The following AGPAT3 variants were observed in gnomAD, a reference collection of about 807,000 sequenced individuals.
AGPAT3 encodes the protein 1-acyl-sn-glycerol-3-phosphate acyltransferase gamma.
A neutral mutation model predicts 47.3 loss-of-function variants in AGPAT3; 5 were observed. That is an observed-to-expected ratio of 0.11 (90% CI 0.06 to 0.22). AGPAT3 has a LOEUF of 0.22. AGPAT3 is among the 10% of genes least tolerant of loss of function. The pLI, the probability that AGPAT3 is intolerant of heterozygous loss-of-function variation, is 1.00. For missense variants in AGPAT3, 315 were observed against 493.0 expected (o/e 0.64, Z 3.42); for synonymous variants, 212 against 208.3 (o/e 1.02, Z -0.15).
intron 2 of AGPAT3, among the ~76,000 whole-genome samples, chr21:43,926,374 G>A (rs570448861): frequency 1.5e-3 from 222 of 152,300 alleles, no homozygotes; most frequent in South Asian, 2.1e-3. Context: ...CAGGTAACAC[G>A]TAGGACAGCG....
chr21:43,911,025 G>C (rs2086621074), intron 2 of AGPAT3, among the ~76,000 whole-genome samples: 2 of 152,166 alleles, frequency 1.3e-5, no homozygotes, highest in Non-Finnish European at 2.9e-5. Flanking sequence ...TTCCTGGAGG[G>C]AACCACTGTA....
intron 2 of AGPAT3, among the ~76,000 whole-genome samples, chr21:43,959,351 ATG>A (rs1465077949): frequency 2.6e-5 from 2 of 76,826 alleles, no homozygotes; most frequent in Non-Finnish European, 5.1e-5. Context: ...TGTGTGTGGT[ATG>A]TGTGTGGCAT....
intron 2 of AGPAT3, among the ~76,000 whole-genome samples, chr21:43,935,764 G>A (rs1252025750): frequency 2.0e-5 from 3 of 152,158 alleles, no homozygotes; most frequent in African/African-American, 7.2e-5. Context: ...GGGGCAGGAA[G>A]GACAACCTGG....
chr21:43,910,863 G>A (rs2086617093), intron 2 of AGPAT3, among the ~76,000 whole-genome samples: 1 of 152,166 alleles, frequency 6.6e-6, no homozygotes, highest in Admixed American at 6.6e-5. Flanking sequence ...CAGAGATGGA[G>A]GGTTGGAGGT....
At chr21:43,944,522 G>A (rs1449448749) in intron 2 of AGPAT3, among the ~76,000 whole-genome samples, 1 of 152,256 alleles carries the variant, frequency 6.6e-6, no homozygotes, top group African/African-American at 2.4e-5. Flanking sequence ...CTGGAGGCCA[G>A]CAAGGCCGCC....
chr21:43,943,897 C>T lies in AGPAT3; in HGVS notation c.-48-15737C>T, dbSNP rs150289294. Among the ~76,000 whole-genome samples the T allele has an allele frequency of 1.2e-4, 19 of 152,354 alleles. No individual in the cohort carries two copies. The East Asian group carries it at 1.5e-3, about 12-fold the overall frequency. ...GGGAGACAGGGAGGGAACGTTCCGC[C>T]GCCTAAACCACTTTCCCGCCGCATC... On this transcript the variant is annotated intron_variant, in intron 2 of 9. Coordinates refer to ENST00000291572, the MANE Select transcript of AGPAT3 (RefSeq NM_020132.5).
At chr21:43,969,347 C>T (rs2089295532) in intron 5 of AGPAT3, 68 bp downstream of exon 5, 2 of 1,583,508 alleles carry the variant, frequency 1.3e-6, no homozygotes, top group East Asian at 4.5e-5. Flanking sequence ...TGATGCACGG[C>T]TGCCCACATC....
At position 43,982,022 on chromosome 21, in the gene AGPAT3, C is replaced by G. The variant is rs1301861355; in HGVS notation, c.1043-282C>G. Among the ~76,000 whole-genome samples, 1 of 152,242 alleles carries G rather than the reference C, an allele frequency of 6.6e-6. No individual in the cohort carries two copies. The highest frequency in any genetic ancestry group is 1.5e-5 in the Non-Finnish European group (1 of 68,042). On this transcript the variant is annotated intron_variant, in intron 9 of 9. Transcript: ENST00000291572. This position sits in a 1 kb window ranked among gnomAD's most constrained non-coding sequence, Gnocchi z 6.2. Reference sequence around the variant, plus strand: ...ATGCCCCGAAGCCCTTCTGCTCCCACCAGCCAAAGACCCAGAGGGGCAGGC... The same window carrying G: ...ATGCCCCGAAGCCCTTCTGCTCCCAGCAGCCAAAGACCCAGAGGGGCAGGC...
chr21:43,901,566 T>G (rs2086358644), intron 1 of AGPAT3, among the ~76,000 whole-genome samples: 1 of 151,992 alleles, frequency 6.6e-6, no homozygotes, highest in Non-Finnish European at 1.5e-5. Flanking sequence ...GAGGATTGTT[T>G]GAGCTCAGGA....
intron 3 of AGPAT3, among the ~76,000 whole-genome samples, chr21:43,960,295 T>C (rs1385479215): frequency 6.6e-6 from 1 of 152,172 alleles, no homozygotes; most frequent in African/African-American, 2.4e-5. Flanking sequence ...ATCAAACACA[T>C]GTGTAGCTGT....
Position 43,985,091 on chromosome 21 carries a change from G to A in AGPAT3, c.*2699G>A, listed in dbSNP as rs765187808. On this transcript the variant is annotated 3_prime_UTR_variant, in exon 10 of 10. Transcript: ENST00000291572. ...GCCCAGGCCCACCCACGGGCGTCTG[G>A]CCGGTCAAGCTCCCAGCCTGGGCCG... 1 of 456,076 alleles carries A rather than the reference G, an allele frequency of 2.2e-6. No individual in the cohort carries two copies. Among genetic ancestry groups the A allele is most frequent in the African/African-American group, 2.0e-5 (1 of 50,084 alleles). 28.3% of individuals were successfully genotyped at this position (456,076 alleles called of 1,614,324 possible).
chr21:43,873,704 G>T (rs540699068), intron 1 of AGPAT3, among the ~76,000 whole-genome samples: 8 of 152,272 alleles, frequency 5.3e-5, no homozygotes, highest in African/African-American at 1.9e-4. Context: ...TGATACAAAG[G>T]TCAGAATATT....
At chr21:43,929,218 T>A (rs2087157692) in intron 2 of AGPAT3, among the ~76,000 whole-genome samples, 1 of 152,194 alleles carries the variant, frequency 6.6e-6, no homozygotes, top group Admixed American at 6.5e-5. Flanking sequence ...TACAGCCGTG[T>A]GGCGGCAGCA....
rs549577294 is a variant in AGPAT3, at chr21:43,878,427, G to A, written c.-112+13082G>A. ...CCTTCCCATTTGCCCCCTCGAGGGA[G>A]GGCTGCACTGGGCTCCGCTGTGTGG... On this transcript the variant is annotated intron_variant, in intron 1 of 9. Coordinates refer to ENST00000291572, the MANE Select transcript of AGPAT3 (RefSeq NM_020132.5). Among the ~76,000 whole-genome samples, 176 of 152,370 alleles carry A rather than the reference G, an allele frequency of 1.2e-3. 1 individual carries two copies. Among genetic ancestry groups the A allele is most frequent in the African/African-American group, 4.2e-3 (173 of 41,586 alleles).
chr21:43,974,900 C>T (rs1331717438), intron 7 of AGPAT3, among the ~76,000 whole-genome samples: 1 of 152,200 alleles, frequency 6.6e-6, no homozygotes, highest in African/African-American at 2.4e-5. Context: ...AACCTGGGGC[C>T]AATGTGAAGC....
chr21:43,917,803 G>A (rs1382628905), intron 2 of AGPAT3, among the ~76,000 whole-genome samples: 1 of 121,194 alleles, frequency 8.3e-6, no homozygotes, highest in Non-Finnish European at 1.7e-5. Context: ...GGTATTGTGG[G>A]GGTTGTGTTG....
chr21:43,987,269 C>G lies in AGPAT3; in HGVS notation c.*4877C>G, dbSNP rs2030386749. ...GAGCCCACTCCCACGGGCTCTGTTT[C>G]CTTGGAGGCCATCCTGCCGATGGCA... On this transcript the variant is annotated 3_prime_UTR_variant, in exon 10 of 10. Transcript: ENST00000291572. 6.6e-6 allele frequency among the ~76,000 whole-genome samples: 1 copy of G among 152,190 alleles called. No homozygotes were observed. The highest frequency in any genetic ancestry group is 2.4e-5 in the African/African-American group (1 of 41,452).
Position 43,908,308 on chromosome 21 carries a change from C to A in AGPAT3, c.-49+4289C>A, listed in dbSNP as rs565902453. Among the ~76,000 whole-genome samples, 6 of 152,256 alleles carry A rather than the reference C, an allele frequency of 3.9e-5. No homozygotes were observed. Among genetic ancestry groups the A allele is most frequent in the African/African-American group, 1.4e-4 (6 of 41,548 alleles). ...CCTGAGGACTCTGGGGAAGGAATGC[C>A]TGTCGTGAGCGGAACCAGCCAAGTT... On this transcript the variant is annotated intron_variant, in intron 2 of 9. Transcript: ENST00000291572. The surrounding 1 kb of genome is among the most constrained non-coding windows in gnomAD (Gnocchi z 4.9).
chr21:43,915,755 T>C (rs2086713907), intron 2 of AGPAT3, among the ~76,000 whole-genome samples: 1 of 152,142 alleles, frequency 6.6e-6, no homozygotes, highest in Admixed American at 6.5e-5. Context: ...GCTTACTGTT[T>C]TGTTGATTTA....
Sources: allele counts gnomAD v4.1 joint callset (sites outside exome capture counted in the v4.1 genomes callset), GRCh38; gene constraint gnomAD v4.1.1; non-coding constraint Gnocchi (gnomAD v3.1); transcripts MANE v1.5; gene names NCBI Gene and HGNC (gene_info 2026-07-23, HGNC 2026-07-21).